ADAMTS17: variants seen among roughly 807,000 people sequenced by gnomAD.
ADAMTS17 encodes the protein A disintegrin and metalloproteinase with thrombospondin motifs 17.
Under a neutral mutation model 141.5 loss-of-function variants are expected in ADAMTS17, and 113 were observed. The observed-to-expected ratio is 0.80, with a 90% CI of 0.69 to 0.93. The LOEUF is 0.93. ADAMTS17 is among the 40% of genes least tolerant of loss of function. ADAMTS17 has a pLI of 0.00. For missense variants in ADAMTS17, 1,659 were observed against 1,517.9 expected, an observed-to-expected ratio of 1.09 and a Z score of -1.54; for synonymous variants, 768 against 630.6, an observed-to-expected ratio of 1.22 and a Z score of -3.27.
intron 3 of ADAMTS17, among the ~76,000 whole-genome samples, chr15:100,289,309 G>GA (rs2044549938): frequency 6.6e-6 from 1 of 152,024 alleles, no homozygotes; most frequent in Non-Finnish European, 1.5e-5. Flanking sequence ...CTGAATCCCT[G>GA]AAAAAACCAA....
chr15:100,056,917 G>A (rs905423697), intron 15 of ADAMTS17, among the ~76,000 whole-genome samples: 1 of 152,048 alleles, frequency 6.6e-6, no homozygotes, highest in Non-Finnish European at 1.5e-5. Flanking sequence ...ATGGTAAGGT[G>A]CCTCCGGGGC....
chr15:100,134,557 C>T (rs944075456), intron 10 of ADAMTS17, among the ~76,000 whole-genome samples: 3 of 152,094 alleles, frequency 2.0e-5, no homozygotes, highest in Admixed American at 2.0e-4. Flanking sequence ...GGGTGGTCAC[C>T]GTGTGGTTTG....
At chr15:100,330,826 GACAC>G in intron 3 of ADAMTS17, 59 bp downstream of exon 3, 1 of 1,589,168 alleles carries the variant, frequency 6.3e-7, no homozygotes, top group South Asian at 1.1e-5. Context: ...TGCACTTGGA[GACAC>G]ACAAAGGATG....
intron 18 of ADAMTS17, among the ~76,000 whole-genome samples, chr15:100,023,530 T>A (rs547534502): frequency 1.6e-4 from 24 of 152,238 alleles, no homozygotes. Context: ...CACAGAATTG[T>A]AGAGAATATC....
chr15:100,328,685 C>G (rs1200403772), intron 3 of ADAMTS17, among the ~76,000 whole-genome samples: 2 of 152,130 alleles, frequency 1.3e-5, no homozygotes, highest in African/African-American at 4.8e-5. Flanking sequence ...AAGAATGCCT[C>G]AAAACTCTCC....
At chr15:100,324,747 T>C (rs1302212750) in intron 3 of ADAMTS17, among the ~76,000 whole-genome samples, 1 of 152,224 alleles carries the variant, frequency 6.6e-6, no homozygotes, top group Non-Finnish European at 1.5e-5. Flanking sequence ...AAAAAGGGCA[T>C]TGAAGTGGTC....
chr15:100,054,888 T>C (rs2032437355), intron 15 of ADAMTS17, among the ~76,000 whole-genome samples: 1 of 152,208 alleles, frequency 6.6e-6, no homozygotes, highest in Admixed American at 6.5e-5. Context: ...TACTATTTTC[T>C]GAGTCGCTCA....
At chr15:100,173,665 G>T (rs549124394) in intron 8 of ADAMTS17, among the ~76,000 whole-genome samples, 1 of 152,204 alleles carries the variant, frequency 6.6e-6, no homozygotes, top group African/African-American at 2.4e-5. Flanking sequence ...CTCTGCAAGT[G>T]GCAAGCTACT....
rs114130693 is a variant in ADAMTS17 at position 100,182,017 on chromosome 15, C to T, written c.1181+17301G>A. Among the ~76,000 whole-genome samples, 788 of 152,340 alleles carry T rather than the reference C, an allele frequency of 5.2e-3. 6 individuals are homozygous for T. Among genetic ancestry groups the T allele is most frequent in the African/African-American group, 0.018 (743 of 41,582 alleles). On this transcript the variant is annotated intron_variant, in intron 8 of 21. Transcript: ENST00000268070. ...CCAACCACTGGGATGGGTGATTCCTCTTCTAGCTAGGACATCCATGGGTGT... is the reference window on the plus strand; with the variant it reads ...CCAACCACTGGGATGGGTGATTCCTTTTCTAGCTAGGACATCCATGGGTGT...
chr15:100,170,577 T>C (rs897148813), intron 8 of ADAMTS17, among the ~76,000 whole-genome samples: 3 of 152,380 alleles, frequency 2.0e-5, no homozygotes, highest in African/African-American at 7.2e-5. Flanking sequence ...AAATTTGGTT[T>C]GTTCTGGTAA....
intron 14 of ADAMTS17, among the ~76,000 whole-genome samples, 186 bp from the exon 15 acceptor site, chr15:100,096,662 A>G (rs940796793): frequency 2.0e-5 from 3 of 152,156 alleles, no homozygotes; most frequent in Non-Finnish European, 4.4e-5. Flanking sequence ...TCCAACCTAG[A>G]TTATATTTGT....
chr15:100,192,741 T>C (rs2040965537), intron 8 of ADAMTS17, among the ~76,000 whole-genome samples: 1 of 152,226 alleles, frequency 6.6e-6, no homozygotes, highest in African/African-American at 2.4e-5. Context: ...AGCATTTCCA[T>C]GCTTCACACA....
intron 3 of ADAMTS17, among the ~76,000 whole-genome samples, chr15:100,315,021 A>C (rs1223747880): frequency 2.0e-5 from 3 of 152,240 alleles, no homozygotes; most frequent in Non-Finnish European, 4.4e-5. Context: ...TCTGAGGGAC[A>C]AGGGGGCAAA....
At chr15:100,331,147 T>C in intron 2 of ADAMTS17, 93 bp from the exon 3 acceptor site, 6 of 1,522,998 alleles carry the variant, frequency 3.9e-6, no homozygotes, top group Non-Finnish European at 5.4e-6. Context: ...CACCTTGCTG[T>C]GATTTGGTTT....
intron 7 of ADAMTS17, among the ~76,000 whole-genome samples, chr15:100,218,137 G>A (rs1387473969): frequency 3.3e-5 from 5 of 152,148 alleles, no homozygotes; most frequent in Non-Finnish European, 7.3e-5. Context: ...CCTCCCAAAG[G>A]GCTGGGACTG....
intron 20 of ADAMTS17, among the ~76,000 whole-genome samples, chr15:99,981,989 G>A (rs1464990389): frequency 6.6e-6 from 1 of 152,194 alleles, no homozygotes; most frequent in African/African-American, 2.4e-5. Context: ...AGGGGGAAGG[G>A]GTGCCTGTTG....
intron 3 of ADAMTS17, among the ~76,000 whole-genome samples, chr15:100,282,965 C>T (rs1337647015): frequency 6.6e-6 from 1 of 152,074 alleles, no homozygotes; most frequent in Non-Finnish European, 1.5e-5. Flanking sequence ...CTAGGAAGAA[C>T]CAAAATATGA....
chr15:100,182,747 T>G (rs1232004299), intron 8 of ADAMTS17, among the ~76,000 whole-genome samples: 1 of 152,142 alleles, frequency 6.6e-6, no homozygotes, highest in Non-Finnish European at 1.5e-5. Context: ...AGGCTTCTGT[T>G]TTATTTGGCC....
At position 99,991,466 on chromosome 15, in the gene ADAMTS17, A is replaced by G. The variant is rs570407610; in HGVS notation, c.2949+1582T>C. Reference sequence around the variant, plus strand: ...TAGAGAAATGCAAATCAAAACCACAATGAGATACCATCTCACGCCAGTTAG... The same window carrying G: ...TAGAGAAATGCAAATCAAAACCACAGTGAGATACCATCTCACGCCAGTTAG... On this transcript the variant is annotated intron_variant, in intron 20 of 21. Transcript: ENST00000268070. Among the ~76,000 whole-genome samples the G allele has an allele frequency of 3.3e-5, 5 of 152,364 alleles. No homozygotes were observed. In the South Asian group the frequency reaches 1.0e-3, roughly 32 times the overall value.
Sources: gnomAD v4.1 joint callset for allele counts (sites outside exome capture counted in the v4.1 genomes callset) on GRCh38, gnomAD v4.1.1 for gene constraint, MANE v1.5 for transcripts, NCBI Gene and HGNC (gene_info 2026-07-23, HGNC 2026-07-21) for gene names.